Variants in INPP4A observed in about 807,000 individuals in gnomAD.
The protein encoded by INPP4A is inositol polyphosphate-4-phosphatase, type I, 107kD.
Under a neutral mutation model 119.8 loss-of-function variants are expected in INPP4A, and 33 were observed. The observed-to-expected ratio is 0.28, with a 90% confidence interval of 0.21 to 0.37. The LOEUF (loss-of-function observed/expected upper bound fraction) is 0.37, where lower values mean the gene tolerates loss of function less well. INPP4A is among the 10% of genes least tolerant of loss of function. The probability of loss-of-function intolerance (pLI) is 1.00; values close to 1 mark genes in which losing one functional copy is unlikely to be tolerated. For missense variants in INPP4A, 956 were observed against 1,289.9 expected, an observed-to-expected ratio of 0.74 and a Z score of 3.97; for synonymous variants, 496 against 500.7, an observed-to-expected ratio of 0.99 and a Z score of 0.12.
rs1310149355 is a variant in INPP4A, at chr2:98,554,882, G to A, written c.1566+393G>A. ...GCTATGTGTATTTGGGGACGTGGGA[G>A]CTCTGGTGCTGGGGCAAGTAGATAT... On this transcript the variant is annotated intron_variant, in intron 15 of 24. Coordinates refer to ENST00000409851, the MANE Select transcript of INPP4A (RefSeq NM_001134225.2). The surrounding 1 kb of genome is among the most constrained non-coding windows in gnomAD (Gnocchi z 4.7). 6.6e-6 allele frequency among the ~76,000 whole-genome samples: 1 copy of A among 152,212 alleles called. No individual in the cohort carries two copies. Among genetic ancestry groups the A allele is most frequent in the Non-Finnish European group, 1.5e-5 (1 of 68,036 alleles).
intron 4 of INPP4A, among the ~76,000 whole-genome samples, chr2:98,525,839 A>C (rs1688087756): frequency 6.6e-6 from 1 of 152,170 alleles, no homozygotes; most frequent in Non-Finnish European, 1.5e-5. Flanking sequence ...ACAACAACAA[A>C]ACAAAACACT....
At chr2:98,485,147 G>C (rs184067331) in intron 1 of INPP4A, among the ~76,000 whole-genome samples, 225 of 152,354 alleles carry the variant, frequency 1.5e-3, no homozygotes, top group Non-Finnish European at 2.7e-3. Context: ...TTTTGTGGTA[G>C]TGGAGACCAT....
intron 1 of INPP4A, among the ~76,000 whole-genome samples, chr2:98,514,110 A>G (rs559483530): frequency 5.2e-4 from 79 of 152,312 alleles, no homozygotes; most frequent in African/African-American, 1.5e-3. Flanking sequence ...AGGTTGGATT[A>G]ACAGCTCTAG....
rs560405199 is a variant in INPP4A at position 98,502,182 on chromosome 2, G to A, written c.-165-16782G>A. Among the ~76,000 whole-genome samples the A allele has an allele frequency of 3.3e-5, 5 of 152,310 alleles. No homozygotes were observed. In the South Asian group the frequency reaches 8.3e-4, roughly 25 times the overall value. On this transcript the variant is annotated intron_variant, in intron 1 of 24. Transcript: ENST00000409851. ...ATACCTGTGTTCTCCTGGGCTGGCT[G>A]AGTTCTCCAGATGAGAGAGAGCATT...
chr2:98,577,274 T>A, intron 24 of INPP4A, 131 bp downstream of exon 24: 1 of 964,096 alleles, frequency 1.0e-6, no homozygotes, highest in South Asian at 2.0e-5. Context: ...CACACTTGAG[T>A]TTGACAAACC....
chr2:98,451,409 G>T (rs1695203937), intron 1 of INPP4A, among the ~76,000 whole-genome samples: 1 of 152,118 alleles, frequency 6.6e-6, no homozygotes, highest in African/African-American at 2.4e-5. Context: ...AGGAAGACAG[G>T]GATGTCCTCT....
intron 1 of INPP4A, among the ~76,000 whole-genome samples, chr2:98,455,482 C>T (rs931056478): frequency 3.3e-5 from 5 of 152,152 alleles, no homozygotes; most frequent in East Asian, 3.9e-4. Flanking sequence ...AGAAGGGAAG[C>T]GCTAGCAGTC....
intron 1 of INPP4A, among the ~76,000 whole-genome samples, chr2:98,507,848 C>T (rs1463110536): frequency 1.3e-5 from 2 of 152,286 alleles, no homozygotes; most frequent in East Asian, 1.9e-4. Flanking sequence ...GAGACAAATA[C>T]GCCTTTCTGC....
Position 98,546,082 on chromosome 2 carries a change from T to C in INPP4A, c.1054+9T>C, listed in dbSNP as rs1478845358. 1.9e-6 allele frequency: 3 copies of C among 1,541,700 alleles called. No individual in the cohort carries two copies. The Admixed American group carries it at 5.7e-5, about 29-fold the overall frequency. On this transcript the variant is annotated intron_variant, in intron 12 of 24. Coordinates refer to ENST00000409851, the MANE Select transcript of INPP4A (RefSeq NM_001134225.2). This position sits in a 1 kb window ranked among gnomAD's most constrained non-coding sequence, Gnocchi z 4.2. ...AGACGATGGAGGATCAGGTACCTAT[T>C]TTTCTGCTCCCTCTTGTTGAATCAC...
intron 1 of INPP4A, among the ~76,000 whole-genome samples, chr2:98,490,565 A>T (rs1455945061): frequency 6.6e-6 from 1 of 152,160 alleles, no homozygotes; most frequent in Admixed American, 6.5e-5. Context: ...TTGACACTTC[A>T]CTGGTTCATA....
rs1325789559 is a variant in INPP4A, at chr2:98,569,250, C to T, written c.2518+582C>T. 6.5e-6 allele frequency: 1 copy of T among 152,672 alleles called. No individual in the cohort carries two copies. Among genetic ancestry groups the T allele is most frequent in the Non-Finnish European group, 1.5e-5 (1 of 68,404 alleles). 9.5% of individuals were successfully genotyped at this position (152,672 alleles called of 1,614,324 possible). On this transcript the variant is annotated intron_variant, in intron 22 of 24. Transcript: ENST00000409851. This position sits in a 1 kb window ranked among gnomAD's most constrained non-coding sequence, Gnocchi z 5.1. ...GTCTACGAGAATTCCCTCTTGAGTTCAACCCAGTGAATATTCCCTGAGGAC... is the reference window on the plus strand; with the variant it reads ...GTCTACGAGAATTCCCTCTTGAGTTTAACCCAGTGAATATTCCCTGAGGAC...
chr2:98,519,836 G>T (rs1054615813), intron 2 of INPP4A, 110 bp from the exon 3 acceptor site: 1 of 551,956 alleles, frequency 1.8e-6, no homozygotes, highest in Non-Finnish European at 3.3e-6. Context: ...ACATGCTGGG[G>T]AACCCTGTCA....
chr2:98,500,861 A>G (rs898593034), intron 1 of INPP4A, among the ~76,000 whole-genome samples: 2 of 152,250 alleles, frequency 1.3e-5, no homozygotes, highest in South Asian at 4.1e-4. Context: ...TAGAAGGTTC[A>G]GGAACCTGAC....
At chr2:98,520,587 G>A in intron 3 of INPP4A, 100 bp from the exon 4 acceptor site, 2 of 744,566 alleles carry the variant, frequency 2.7e-6, no homozygotes, top group Admixed American at 2.9e-5. Flanking sequence ...GGCAGTTTTT[G>A]TTGTTGTTGG....
At chr2:98,558,016 C>T (rs1366351452) in intron 16 of INPP4A, among the ~76,000 whole-genome samples, 1 of 152,150 alleles carries the variant, frequency 6.6e-6, no homozygotes, top group Non-Finnish European at 1.5e-5. Context: ...GTTCTTGTAC[C>T]CCTGAGATTA....
chr2:98,514,303 T>C (rs1367162869), intron 1 of INPP4A, among the ~76,000 whole-genome samples: 2 of 152,192 alleles, frequency 1.3e-5, no homozygotes, highest in Non-Finnish European at 2.9e-5. Flanking sequence ...TTGTGAAATA[T>C]ATACTTGGTC....
chr2:98,494,136 G>C (rs58778964), intron 1 of INPP4A, among the ~76,000 whole-genome samples: 41,783 of 152,074 alleles, frequency 0.27, 5,792 homozygotes, highest in Middle Eastern at 0.35. Flanking sequence ...GAGAAGCTAT[G>C]AAGAGTGACC....
rs1383003163 is a variant in INPP4A, at chr2:98,593,799, G to GGTCTGTATCAGTCCCA, written c.*6206_*6207insAGTCTGTATCAGTCCC. ...TTTCCATCCATGCACCCCAAGGCCT[G>GGTCTGTATCAGTCCCA]GTCTGTATCAGTCCCCTCGGATCTG... On this transcript the variant is annotated 3_prime_UTR_variant, in exon 25 of 25. Coordinates refer to ENST00000409851, the MANE Select transcript of INPP4A (RefSeq NM_001134225.2). 1 of 85,778 alleles carries GGTCTGTATCAGTCCCA rather than the reference G, an allele frequency of 1.2e-5. No individual in the cohort carries two copies. Among genetic ancestry groups the GGTCTGTATCAGTCCCA allele is most frequent in the Non-Finnish European group, 2.6e-5 (1 of 37,924 alleles). The allele number at this position is 85,778 out of a possible 1,614,324, so 5.3% of individuals were successfully genotyped here. A position where few individuals can be genotyped will look rare whatever the true frequency, so the allele number is the denominator to read the frequency against.
intron 1 of INPP4A, among the ~76,000 whole-genome samples, chr2:98,458,429 G>C (rs183029832): frequency 6.6e-6 from 1 of 152,096 alleles, no homozygotes. Context: ...AACACAACAC[G>C]TTTCCTGGTA....
Sources: gnomAD v4.1 joint callset for allele counts (sites outside exome capture counted in the v4.1 genomes callset) on GRCh38, gnomAD v4.1.1 for gene constraint, Gnocchi (gnomAD v3.1) non-coding constraint, MANE v1.5 for transcripts, NCBI Gene and HGNC (gene_info 2026-07-23, HGNC 2026-07-21) for gene names.